The following BANP variants were observed in gnomAD, a reference collection of about 807,000 sequenced individuals.
BANP encodes BTG3 associated nuclear protein.
BANP carries 11 observed loss-of-function variants against 68.1 expected under a neutral mutation model. The ratio of observed to expected loss-of-function variants is 0.16; its 90% CI spans 0.10 to 0.27. The LOEUF is 0.27. Among genes scored for constraint, BANP ranks in the 10% least tolerant of loss-of-function variants. The probability of loss-of-function intolerance (pLI) is 1.00; values close to 1 mark genes in which losing one functional copy is unlikely to be tolerated. For missense variants in BANP, 504 were observed against 722.7 expected (o/e 0.70, Z 3.47); for synonymous variants, 329 against 303.2 (o/e 1.09, Z -0.88).
At position 88,057,866 on chromosome 16, in the gene BANP, G is replaced by T. The variant is rs1260089252; in HGVS notation, c.1312-7401G>T. 1.3e-5 allele frequency among the ~76,000 whole-genome samples: 2 copies of T among 151,970 alleles called. No individual in the cohort carries two copies. Among genetic ancestry groups the T allele is most frequent in the African/African-American group, 4.8e-5 (2 of 41,328 alleles). ...AGTGAGGAGGTGCGGGGCACGCAGC[G>T]AGCACTTTCCGGACAGTGCGGTGCG... On this transcript the variant is annotated intron_variant, in intron 11 of 13. Coordinates refer to ENST00000682872, the MANE Select transcript of BANP (RefSeq NM_001386991.1). The surrounding 1 kb of genome is among the most constrained non-coding windows in gnomAD (Gnocchi z 4.6).
intron 9 of BANP, among the ~76,000 whole-genome samples, chr16:88,034,018 C>T (rs888813034): frequency 3.3e-5 from 5 of 152,180 alleles, no homozygotes; most frequent in Admixed American, 3.3e-4. Context: ...GAAGACAGGT[C>T]ATCGTGTGCC....
intron 7 of BANP, among the ~76,000 whole-genome samples, chr16:88,020,335 C>T (rs544175997): frequency 5.3e-5 from 8 of 152,222 alleles, no homozygotes; most frequent in Non-Finnish European, 1.2e-4. Flanking sequence ...CCCCCTCCAC[C>T]CTCTGCTTTA....
At chr16:88,038,064 G>A (rs1489538052) in intron 11 of BANP, 53 bp downstream of exon 11, 12 of 1,578,320 alleles carry the variant, frequency 7.6e-6, no homozygotes, top group Middle Eastern at 1.7e-4. Flanking sequence ...CGAGGGATGG[G>A]GTTCTCAGGG....
intron 11 of BANP, among the ~76,000 whole-genome samples, chr16:88,046,554 T>A (rs2082067088): frequency 6.6e-6 from 1 of 152,122 alleles, no homozygotes; most frequent in Non-Finnish European, 1.5e-5. Context: ...TTTTAATTTT[T>A]ATTTTTTTTG....
In BANP at chr16:88,034,688, C is replaced by T. The variant is rs1268393716; in HGVS notation, c.1201-635C>T. ...GTCATTGTGATTTTCTATTTCCCCT[C>T]TTTTCTGTGTGTCATGCACATTTTA... is the stretch of plus-strand genomic sequence containing the variant. On this transcript the variant is annotated intron_variant, in intron 9 of 13. Transcript: ENST00000682872. Among the ~76,000 whole-genome samples, 4 of 152,198 alleles carry T rather than the reference C, an allele frequency of 2.6e-5. No individual in the cohort carries two copies. In the South Asian group the frequency reaches 6.2e-4, roughly 24 times the overall value.
rs1292039210 is a variant in BANP, at chr16:88,003,544, C to T, written c.363-751C>T. ...ACCAGAAAGTGCTAAGGCTTAAAAA[C>T]GCATGATTGAAAACTGTGGGTGAGT... On this transcript the variant is annotated intron_variant, in intron 4 of 13. Coordinates refer to ENST00000682872, the MANE Select transcript of BANP (RefSeq NM_001386991.1). The surrounding 1 kb of genome is among the most constrained non-coding windows in gnomAD (Gnocchi z 6.1). The T allele has an allele frequency of 9.4e-5, 43 of 456,136 alleles. No individual in the cohort carries two copies. The highest frequency in any genetic ancestry group is 1.4e-4 in the Non-Finnish European group (32 of 226,952). The allele number at this position is 456,136 out of a possible 1,614,324, so 28.3% of individuals were successfully genotyped here.
intron 6 of BANP, among the ~76,000 whole-genome samples, chr16:88,015,950 C>G (rs1468007879): frequency 6.6e-6 from 1 of 152,232 alleles, no homozygotes; most frequent in African/African-American, 2.4e-5. Context: ...GTCACCCTGG[C>G]CTGCGCCCAG....
At chr16:88,033,719 C>G (rs2152744517) in intron 9 of BANP, among the ~76,000 whole-genome samples, 1 of 152,326 alleles carries the variant, frequency 6.6e-6, no homozygotes, top group South Asian at 2.1e-4. Flanking sequence ...TCAGCACACC[C>G]AGGTTGGGCG....
chr16:88,068,608 G>A (rs145365431), intron 12 of BANP, among the ~76,000 whole-genome samples: 9 of 152,244 alleles, frequency 5.9e-5, no homozygotes, highest in Non-Finnish European at 1.2e-4. Flanking sequence ...CCACTGGTGC[G>A]GGTGCTGGCT....
chr16:87,964,436 CCAGGAGGCGTG>C (rs111681272), intron 1 of BANP, among the ~76,000 whole-genome samples: 99,203 of 151,486 alleles, frequency 0.65, 33,019 homozygotes, highest in African/African-American at 0.74. Context: ...GCCGAGGCGT[CCAGGAGGCGTG>C]CAGGAGGCGT....
chr16:88,021,402 G>A (rs1034309778), intron 7 of BANP, among the ~76,000 whole-genome samples: 19 of 152,148 alleles, frequency 1.2e-4, no homozygotes, highest in African/African-American at 3.6e-4. Context: ...CTCTAGAGCC[G>A]AGCTTTGGGA....
intron 2 of BANP, among the ~76,000 whole-genome samples, chr16:87,976,844 A>G (rs2062239676): frequency 6.6e-6 from 1 of 152,220 alleles, no homozygotes; most frequent in South Asian, 2.1e-4. Flanking sequence ...CCATCATTGC[A>G]TATTATTTTA....
At chr16:87,998,572 GCGGC>G (rs2067957448) in intron 4 of BANP, among the ~76,000 whole-genome samples, 1 of 79,644 alleles carries the variant, frequency 1.3e-5, no homozygotes, top group Admixed American at 1.2e-4. Context: ...ACGCACGTGC[GCGGC>G]TGGACTCACC....
intron 7 of BANP, among the ~76,000 whole-genome samples, chr16:88,025,719 C>G (rs1441396186): frequency 6.6e-6 from 1 of 152,178 alleles, no homozygotes; most frequent in East Asian, 1.9e-4. Flanking sequence ...TAAAAAAACC[C>G]AAACACTTCT....
At chr16:87,995,405 G>A (rs1461241634) in intron 4 of BANP, among the ~76,000 whole-genome samples, 1 of 152,214 alleles carries the variant, frequency 6.6e-6, no homozygotes, top group Non-Finnish European at 1.5e-5. Flanking sequence ...ATGTCCATGG[G>A]AGAAAATGTT....
chr16:88,034,246 A>G (rs2078823558), intron 9 of BANP, among the ~76,000 whole-genome samples: 2 of 152,226 alleles, frequency 1.3e-5, no homozygotes, highest in South Asian at 4.1e-4. Context: ...AATTTGTTTG[A>G]CATTCACAAC....
intron 8 of BANP, among the ~76,000 whole-genome samples, chr16:88,029,397 C>G (rs1830358767): frequency 6.7e-6 from 1 of 150,162 alleles, no homozygotes; most frequent in Non-Finnish European, 1.5e-5. Flanking sequence ...ATCATGAGGT[C>G]AGGAGATCGA....
intron 9 of BANP, 151 bp from the exon 10 acceptor site, chr16:88,035,172 A>C: frequency 2.7e-6 from 2 of 743,984 alleles, no homozygotes; most frequent in Non-Finnish European, 4.5e-6. Context: ...AATTTAAAGA[A>C]GTGACCACAG....
intron 11 of BANP, among the ~76,000 whole-genome samples, chr16:88,048,952 A>G (rs567730796): frequency 6.6e-6 from 1 of 152,262 alleles, no homozygotes; most frequent in East Asian, 1.9e-4. Context: ...TGCACGGTGC[A>G]CTGGACTCTG....
Sources: allele counts gnomAD v4.1 joint callset (sites outside exome capture counted in the v4.1 genomes callset), GRCh38; gene constraint gnomAD v4.1.1; non-coding constraint Gnocchi (gnomAD v3.1); transcripts MANE v1.5; gene names NCBI Gene and HGNC (gene_info 2026-07-23, HGNC 2026-07-21).